The following PDZRN3 variants were observed in gnomAD, a reference collection of about 807,000 sequenced individuals.
PDZRN3 encodes the protein PDZ domain containing ring finger 3, also known as E3 ubiquitin-protein ligase PDZRN3.
PDZRN3 carries 38 observed loss-of-function variants against 85.7 expected under a neutral mutation model. The ratio of observed to expected loss-of-function variants is 0.44; its 90% confidence interval spans 0.34 to 0.58. The LOEUF (loss-of-function observed/expected upper bound fraction) is 0.58, where lower values mean the gene tolerates loss of function less well. Among genes scored for constraint, PDZRN3 ranks in the 20% least tolerant of loss-of-function variants. The pLI, the probability that PDZRN3 is intolerant of heterozygous loss-of-function variation, is 0.01. For synonymous variants in PDZRN3, 759 were observed against 638.0 expected (o/e 1.19, Z -2.86); for missense variants, 1,629 against 1,506.4 (o/e 1.08, Z -1.35).
intron 3 of PDZRN3, among the ~76,000 whole-genome samples, chr3:73,553,120 T>C (rs1010727575): frequency 2.0e-5 from 3 of 152,236 alleles, no homozygotes; most frequent in Admixed American, 1.3e-4. Flanking sequence ...ATTTCATGTT[T>C]GACTCAAGGT....
intron 3 of PDZRN3, among the ~76,000 whole-genome samples, chr3:73,453,330 C>A (rs1427212142): frequency 2.1e-5 from 3 of 140,200 alleles, no homozygotes; most frequent in Non-Finnish European, 4.5e-5. Flanking sequence ...CACTTGAAGC[C>A]GGGAGGCGGA....
At chr3:73,396,035 C>T (rs763658615) in intron 5 of PDZRN3, among the ~76,000 whole-genome samples, 31 of 152,002 alleles carry the variant, frequency 2.0e-4, no homozygotes, top group East Asian at 3.9e-4. Flanking sequence ...CCAGCCTGGC[C>T]GACAAGGCGA....
chr3:73,577,536 C>T (rs971887866), intron 3 of PDZRN3, among the ~76,000 whole-genome samples: 7 of 152,142 alleles, frequency 4.6e-5, no homozygotes, highest in African/African-American at 1.7e-4. Context: ...TCTGGTCTCC[C>T]TCGCTCCCTG....
intron 3 of PDZRN3, among the ~76,000 whole-genome samples, chr3:73,497,448 A>G (rs1305432989): frequency 6.6e-6 from 1 of 152,218 alleles, no homozygotes; most frequent in Non-Finnish European, 1.5e-5. Context: ...AAGAGCTGGA[A>G]TATCAGCTAC....
At chr3:73,427,217 C>A (rs1702333776) in intron 3 of PDZRN3, among the ~76,000 whole-genome samples, 1 of 152,204 alleles carries the variant, frequency 6.6e-6, no homozygotes, top group Admixed American at 6.5e-5. Context: ...CTCAGGGCAG[C>A]ACCAGCTGTT....
At chr3:73,423,507 T>C (rs1702242961) in intron 3 of PDZRN3, among the ~76,000 whole-genome samples, 1 of 152,224 alleles carries the variant, frequency 6.6e-6, no homozygotes, top group Admixed American at 6.5e-5. Flanking sequence ...CATGTGTTGT[T>C]TGTTCACAAA....
At chr3:73,415,904 T>C (rs1395267154) in intron 3 of PDZRN3, among the ~76,000 whole-genome samples, 1 of 151,698 alleles carries the variant, frequency 6.6e-6, no homozygotes, top group Non-Finnish European at 1.5e-5. Context: ...TTCATTTTTT[T>C]AGTATTAACT....
intron 3 of PDZRN3, among the ~76,000 whole-genome samples, chr3:73,521,659 T>G (rs1304799881): frequency 6.6e-6 from 1 of 152,152 alleles, no homozygotes; most frequent in Non-Finnish European, 1.5e-5. Flanking sequence ...TCTAAAGCAT[T>G]TTGCATACTG....
chr3:73,388,613 G>C (rs931565271), intron 7 of PDZRN3, among the ~76,000 whole-genome samples: 3 of 152,016 alleles, frequency 2.0e-5, no homozygotes, highest in African/African-American at 4.8e-5. Context: ...ATTTTTGCTT[G>C]CATGTCCTGG....
chr3:73,533,195 ATTAAG>A (rs1344588548), intron 3 of PDZRN3, among the ~76,000 whole-genome samples: 5 of 152,218 alleles, frequency 3.3e-5, no homozygotes, highest in Admixed American at 6.5e-5. Context: ...ATCTCTCTTA[ATTAAG>A]TTAACTTAAT....
intron 2 of PDZRN3, among the ~76,000 whole-genome samples, chr3:73,607,061 C>A (rs1036763891): frequency 6.6e-6 from 1 of 152,174 alleles, no homozygotes; most frequent in Non-Finnish European, 1.5e-5. Context: ...TGCAGCTCCC[C>A]CAGTTCCCAA....
At chr3:73,549,762 G>A (rs1235959841) in intron 3 of PDZRN3, among the ~76,000 whole-genome samples, 1 of 152,196 alleles carries the variant, frequency 6.6e-6, no homozygotes, top group Non-Finnish European at 1.5e-5. Flanking sequence ...CAAGTACCAT[G>A]TTTGTCTGAG....
chr3:73,585,545 C>T (rs1413782479), intron 3 of PDZRN3, among the ~76,000 whole-genome samples: 1 of 152,196 alleles, frequency 6.6e-6, no homozygotes, highest in African/African-American at 2.4e-5. Context: ...TTTGCATCCA[C>T]CCCTTTGCCG....
At chr3:73,413,467 A>G (rs1702013129) in intron 3 of PDZRN3, among the ~76,000 whole-genome samples, 1 of 152,204 alleles carries the variant, frequency 6.6e-6, no homozygotes, top group African/African-American at 2.4e-5. Flanking sequence ...ACATGATTTC[A>G]TCCCGTCTTC....
intron 5 of PDZRN3, among the ~76,000 whole-genome samples, chr3:73,394,894 T>C (rs181596284): frequency 5.6e-4 from 86 of 152,336 alleles, no homozygotes; most frequent in Non-Finnish European, 3.4e-4. Flanking sequence ...TGCCTCTGGA[T>C]CTGTACGGAT....
intron 3 of PDZRN3, among the ~76,000 whole-genome samples, chr3:73,449,773 A>AC (rs1167300214): frequency 6.6e-6 from 1 of 152,252 alleles, no homozygotes; most frequent in Non-Finnish European, 1.5e-5. Flanking sequence ...TTCTTATGGC[A>AC]CAGGCTGCAA....
At chr3:73,408,595 G>GGC (rs974240018) in intron 3 of PDZRN3, among the ~76,000 whole-genome samples, 1 of 151,750 alleles carries the variant, frequency 6.6e-6, no homozygotes, top group African/African-American at 2.4e-5. Context: ...AGGAGGGGGG[G>GGC]GGGTGCAACA....
intron 3 of PDZRN3, among the ~76,000 whole-genome samples, chr3:73,488,326 G>C (rs966329811): frequency 6.6e-6 from 1 of 152,134 alleles, no homozygotes; most frequent in African/African-American, 2.4e-5. Flanking sequence ...CCAAATATCT[G>C]CCTGCCCCTA....
intron 3 of PDZRN3, among the ~76,000 whole-genome samples, chr3:73,499,973 T>C (rs923089171): frequency 2.0e-5 from 3 of 152,188 alleles, no homozygotes; most frequent in Admixed American, 6.5e-5. Flanking sequence ...GTGGTTGTTA[T>C]TGCTATTTAG....
Sources: allele counts gnomAD v4.1 joint callset (sites outside exome capture counted in the v4.1 genomes callset), GRCh38; gene constraint gnomAD v4.1.1; transcripts MANE v1.5; gene names NCBI Gene and HGNC (gene_info 2026-07-23, HGNC 2026-07-21).